The following LRMDA variants were observed in gnomAD, a reference collection of about 807,000 sequenced individuals.
The protein encoded by LRMDA is leucine rich melanocyte differentiation associated.
LRMDA carries 18 observed loss-of-function variants against 29.8 expected under a neutral mutation model. The ratio of observed to expected loss-of-function variants is 0.60; its 90% CI spans 0.42 to 0.90. The LOEUF is 0.90. LRMDA is among the 40% of genes least tolerant of loss of function. The pLI, the probability that LRMDA is intolerant of heterozygous loss-of-function variation, is 0.00. For synonymous variants in LRMDA, 125 were observed against 109.4 expected, an observed-to-expected ratio of 1.14 and a Z score of -0.89; for missense variants, 273 against 273.9, an observed-to-expected ratio of 1.00 and a Z score of 0.02.
At chr10:75,916,423 T>G (rs1026935764) in intron 2 of LRMDA, among the ~76,000 whole-genome samples, 1 of 151,982 alleles carries the variant, frequency 6.6e-6, no homozygotes, top group African/African-American at 2.4e-5. Flanking sequence ...AGCCCCTACC[T>G]GGATGGGATG....
Position 76,457,438 on chromosome 10 carries a change from C to T in LRMDA, c.602-99771C>T, listed in dbSNP as rs917406530. On this transcript the variant is annotated intron_variant, in intron 6 of 6. Coordinates refer to ENST00000611255, the MANE Select transcript of LRMDA (RefSeq NM_001305581.2). ...GTTGAACAAGGTGACACTGCTTTTT[C>T]GTTGCAGCTCTCAGACTGTATGCAA... 4.6e-5 allele frequency among the ~76,000 whole-genome samples: 7 copies of T among 152,232 alleles called. No individual in the cohort carries two copies. In the East Asian group the frequency reaches 5.8e-4, roughly 13 times the overall value.
At chr10:75,899,508 T>C (rs575912542) in intron 2 of LRMDA, among the ~76,000 whole-genome samples, 1 of 152,364 alleles carries the variant, frequency 6.6e-6, no homozygotes, top group South Asian at 2.1e-4. Context: ...ATGCATCTTC[T>C]CTGTTCACCT....
At chr10:76,171,290 C>G (rs1850831342) in intron 5 of LRMDA, among the ~76,000 whole-genome samples, 1 of 152,186 alleles carries the variant, frequency 6.6e-6, no homozygotes, top group Non-Finnish European at 1.5e-5. Context: ...CATGCACCAC[C>G]ATGCCTGGCT....
chr10:76,224,709 A>G (rs1459267113), intron 5 of LRMDA, among the ~76,000 whole-genome samples: 1 of 143,636 alleles, frequency 7.0e-6, no homozygotes, highest in Non-Finnish European at 1.5e-5. Flanking sequence ...AAAATCTACA[A>G]TTTAACATGT....
chr10:76,134,097 G>A (rs1254762385), intron 5 of LRMDA, among the ~76,000 whole-genome samples: 1 of 152,208 alleles, frequency 6.6e-6, no homozygotes, highest in Non-Finnish European at 1.5e-5. Flanking sequence ...TCGAGGCACT[G>A]CAGCCACTCT....
intron 2 of LRMDA, among the ~76,000 whole-genome samples, chr10:75,729,340 C>G (rs546176903): frequency 2.0e-4 from 31 of 152,340 alleles, no homozygotes; most frequent in Admixed American, 1.5e-3. Context: ...ACAGTAGGGC[C>G]TAGTCCCCAA....
chr10:76,087,539 T>G (rs1849156886), intron 5 of LRMDA, among the ~76,000 whole-genome samples: 1 of 151,924 alleles, frequency 6.6e-6, no homozygotes, highest in Non-Finnish European at 1.5e-5. Flanking sequence ...CTTGGGAGGG[T>G]GATTGGGGTC....
At chr10:76,549,724 G>T (rs1272186011) in intron 6 of LRMDA, among the ~76,000 whole-genome samples, 1 of 151,874 alleles carries the variant, frequency 6.6e-6, no homozygotes, top group African/African-American at 2.4e-5. Context: ...TAATCAACCT[G>T]GGAAAAAAAG....
At chr10:76,440,005 T>C (rs980337321) in intron 6 of LRMDA, among the ~76,000 whole-genome samples, 3 of 151,992 alleles carry the variant, frequency 2.0e-5, no homozygotes, top group African/African-American at 7.3e-5. Context: ...AGGTTGGGAG[T>C]AAAGTGTAGG....
chr10:76,069,325 A>G (rs1848837539), intron 5 of LRMDA, among the ~76,000 whole-genome samples: 1 of 152,190 alleles, frequency 6.6e-6, no homozygotes, highest in Non-Finnish European at 1.5e-5. Flanking sequence ...TCTGCTCCTT[A>G]CAGTAGAGTG....
chr10:75,633,283 G>A (rs1030801827), intron 2 of LRMDA, among the ~76,000 whole-genome samples: 18 of 152,160 alleles, frequency 1.2e-4, no homozygotes, highest in Non-Finnish European at 2.6e-4. Context: ...TTAGAAACCT[G>A]GGAATAGTTG....
intron 2 of LRMDA, among the ~76,000 whole-genome samples, chr10:75,823,592 A>C (rs1844198792): frequency 6.6e-6 from 1 of 151,860 alleles, no homozygotes; most frequent in African/African-American, 2.4e-5. Context: ...AAATAGAACT[A>C]CCCTTTGATC....
At chr10:76,252,444 C>T (rs1852503449) in intron 5 of LRMDA, among the ~76,000 whole-genome samples, 1 of 152,106 alleles carries the variant, frequency 6.6e-6, no homozygotes, top group African/African-American at 2.4e-5. Context: ...CACATTCAAG[C>T]AGATGCATCA....
At chr10:75,605,293 G>A (rs564114490) in intron 2 of LRMDA, among the ~76,000 whole-genome samples, 136 of 152,258 alleles carry the variant, frequency 8.9e-4, no homozygotes, top group Admixed American at 1.5e-3. Flanking sequence ...ATTTTTGATA[G>A]CTCAGATGAT....
intron 5 of LRMDA, among the ~76,000 whole-genome samples, chr10:76,267,055 C>T (rs1204407373): frequency 2.0e-5 from 3 of 152,050 alleles, no homozygotes; most frequent in Admixed American, 6.6e-5. Context: ...ATAGTCATGC[C>T]TCCTTCTATA....
intron 6 of LRMDA, among the ~76,000 whole-genome samples, chr10:76,415,622 G>GCA (rs148525956): frequency 0.43 from 65,453 of 151,680 alleles, 15,006 homozygotes; most frequent in Middle Eastern, 0.63. Flanking sequence ...GTGTGTGTGT[G>GCA]CGTGTGTGTA....
At chr10:76,503,776 T>C (rs1187960766) in intron 6 of LRMDA, among the ~76,000 whole-genome samples, 1 of 151,698 alleles carries the variant, frequency 6.6e-6, no homozygotes, top group Admixed American at 6.6e-5. Flanking sequence ...TTTGAAGATC[T>C]AGGTCTTGGT....
chr10:76,352,794 G>A (rs17450851), intron 6 of LRMDA, among the ~76,000 whole-genome samples: 3,239 of 152,180 alleles, frequency 0.021, 54 homozygotes, highest in Middle Eastern at 0.044. Flanking sequence ...TTCACTGAAA[G>A]AAGTGGTTGT....
At chr10:75,809,767 G>T (rs1021601280) in intron 2 of LRMDA, among the ~76,000 whole-genome samples, 1 of 152,246 alleles carries the variant, frequency 6.6e-6, no homozygotes, top group East Asian at 1.9e-4. Context: ...GACAGGTGGT[G>T]CGTGACACTG....
Sources: allele counts gnomAD v4.1 joint callset (sites outside exome capture counted in the v4.1 genomes callset), GRCh38; gene constraint gnomAD v4.1.1; transcripts MANE v1.5; gene names NCBI Gene and HGNC (gene_info 2026-07-23, HGNC 2026-07-21).